Variants in CFAP47 observed in about 807,000 individuals in gnomAD.
The protein encoded by CFAP47 is cilia- and flagella-associated protein 47.
Under a neutral mutation model 148.1 loss-of-function variants are expected in CFAP47, and 29 were observed. The ratio of observed to expected loss-of-function variants is 0.20; its 90% confidence interval spans 0.15 to 0.27. CFAP47 has a LOEUF of 0.27. CFAP47 is among the 10% of genes least tolerant of loss of function. The pLI is 1.00. For missense variants in CFAP47, 1,872 were observed against 1,697.5 expected (o/e 1.10, Z -1.81); for synonymous variants, 664 against 577.3 (o/e 1.15, Z -2.15).
intron 8 of CFAP47, among the ~76,000 whole-genome samples, chrX:35,959,746 G>A (rs929706207): frequency 9.2e-6 from 1 of 108,463 alleles, no homozygotes; most frequent in South Asian, 4.1e-4. Flanking sequence ...GGCGGAGGTT[G>A]CGCACGCTTG....
Position 35,924,226 on chromosome X carries a change from T to C in CFAP47, c.250-1791T>C, listed in dbSNP as rs748811861. Among the ~76,000 whole-genome samples, 10 of 103,105 alleles carry C rather than the reference T, an allele frequency of 9.7e-5. 1 individual carries two copies. Among genetic ancestry groups the C allele is most frequent in the South Asian group, 4.1e-4 (1 of 2,412 alleles). 89.5% of individuals were successfully genotyped at this position (103,105 alleles called of 115,157 possible). On this transcript the variant is annotated intron_variant, in intron 1 of 63. Transcript: ENST00000378653. ...GGACATGTATGTGTGCATGTATGTGTATATATGGACATGTATGTGTGCATA... is the reference window on the plus strand; with the variant it reads ...GGACATGTATGTGTGCATGTATGTGCATATATGGACATGTATGTGTGCATA...
At chrX:36,030,597 T>C (rs1388485658) in intron 22 of CFAP47, among the ~76,000 whole-genome samples, 1 of 110,924 alleles carries the variant, frequency 9.0e-6, no homozygotes, top group East Asian at 2.8e-4. Context: ...ACGTGTAAGA[T>C]ACATACATTT....
chrX:35,964,969 T>C (rs900199973), intron 8 of CFAP47, among the ~76,000 whole-genome samples: 1 of 111,648 alleles, frequency 9.0e-6, no homozygotes, highest in African/African-American at 3.2e-5. Flanking sequence ...TGGATTTCCA[T>C]AGGGACATTA....
At chrX:36,031,377 A>G (rs1413954590) in intron 23 of CFAP47, 30 bp downstream of exon 23, 11 of 281,881 alleles carry the variant, frequency 3.9e-5, no homozygotes, top group Admixed American at 2.6e-4. Flanking sequence ...ACAGTTTACA[A>G]TTCTTTTCAT....
intron 51 of CFAP47, among the ~76,000 whole-genome samples, chrX:36,289,553 G>A (rs1055712673): frequency 5.4e-5 from 6 of 111,240 alleles, no homozygotes; most frequent in Admixed American, 9.6e-5. Context: ...TTTGATTAAT[G>A]TTGAAAACAC....
chrX:36,364,927 T>C (rs1377415736), intron 61 of CFAP47, among the ~76,000 whole-genome samples: 2 of 67,543 alleles, frequency 3.0e-5, no homozygotes, highest in Non-Finnish European at 4.9e-5. Context: ...TATATATATA[T>C]ATATATATAT....
At chrX:35,996,164 G>T (rs1936845556) in intron 18 of CFAP47, among the ~76,000 whole-genome samples, 1 of 111,277 alleles carries the variant, frequency 9.0e-6, no homozygotes, top group Non-Finnish European at 1.9e-5. Context: ...AATAAGGAAT[G>T]ATTGGGAGGT....
chrX:36,277,754 C>T (rs1309657050), intron 49 of CFAP47, among the ~76,000 whole-genome samples: 3 of 111,852 alleles, frequency 2.7e-5, no homozygotes, highest in Non-Finnish European at 5.6e-5. Flanking sequence ...ATTACATTAG[C>T]CATATGTGGC....
rs745917305 is a variant in CFAP47, at chrX:35,985,957, T to C, written c.2714-3362T>C. Reference sequence around the variant, plus strand: ...ATGTGATTCTCTCAGTTAAATACAATTGTTATCTCCATTTTACATGTAATT... The same window carrying C: ...ATGTGATTCTCTCAGTTAAATACAACTGTTATCTCCATTTTACATGTAATT... On this transcript the variant is annotated intron_variant, in intron 15 of 63. Coordinates refer to ENST00000378653, the MANE Select transcript of CFAP47 (RefSeq NM_001304548.2). 3 of 337,972 alleles carry C rather than the reference T, an allele frequency of 8.9e-6. No homozygotes were observed. In the East Asian group the frequency reaches 2.7e-4, roughly 30 times the overall value. The allele number at this position is 337,972 out of a possible 1,213,427, so 27.9% of individuals were successfully genotyped here. A position where few individuals can be genotyped will look rare whatever the true frequency, so the allele number is the denominator to read the frequency against.
chrX:35,975,664 C>T lies in CFAP47; in HGVS notation c.2472-8C>T, dbSNP rs745532030. 2.5e-6 allele frequency: 3 copies of T among 1,207,475 alleles called. No individual in the cohort carries two copies. In the South Asian group the frequency reaches 5.3e-5, roughly 21 times the overall value. The stretch of plus-strand genomic sequence containing the variant: ...CAGTTAAATTTGGATGCTTTTGCTG[C>T]ATTACAGGTCTTTCACCTTTACAGT... On this transcript the variant is annotated splice_region_variant and splice_polypyrimidine_tract_variant and intron_variant, in intron 14 of 63. Coordinates refer to ENST00000378653, the MANE Select transcript of CFAP47 (RefSeq NM_001304548.2).
At chrX:36,365,038 CA>C (rs1274479275) in intron 61 of CFAP47, among the ~76,000 whole-genome samples, 4 of 102,047 alleles carry the variant, frequency 3.9e-5, no homozygotes, top group African/African-American at 1.4e-4. Flanking sequence ...TAAGAAAAAC[CA>C]AAAGAAAACA....
intron 29 of CFAP47, among the ~76,000 whole-genome samples, chrX:36,084,276 G>A (rs1569253682): frequency 1.8e-5 from 2 of 110,966 alleles, no homozygotes; most frequent in Non-Finnish European, 3.8e-5. Flanking sequence ...ATTTTAGTTT[G>A]CATTAATCTT....
chrX:35,979,594 A>T (rs1278928500), intron 15 of CFAP47, among the ~76,000 whole-genome samples: 1 of 111,139 alleles, frequency 9.0e-6, no homozygotes, highest in East Asian at 2.9e-4. Flanking sequence ...TCTCGAAACA[A>T]AAGTCAGAAT....
intron 56 of CFAP47, among the ~76,000 whole-genome samples, chrX:36,316,178 A>G (rs1941432264): frequency 8.9e-6 from 1 of 111,942 alleles, no homozygotes; most frequent in Non-Finnish European, 1.9e-5. Context: ...GAAAAGCTCA[A>G]ATGGAGAGAT....
At chrX:36,157,679 G>A (rs1023098503) in intron 37 of CFAP47, among the ~76,000 whole-genome samples, 1 of 110,927 alleles carries the variant, frequency 9.0e-6, no homozygotes, top group African/African-American at 3.3e-5. Context: ...AGCAGGAATA[G>A]TGGTGTTTTT....
At position 35,996,320 on chromosome X, in the gene CFAP47, A is replaced by G. The variant is rs1032795917; in HGVS notation, c.3100-992A>G. 3.6e-5 allele frequency among the ~76,000 whole-genome samples: 4 copies of G among 111,705 alleles called. No individual in the cohort carries two copies. The East Asian group carries it at 1.1e-3, about 31-fold the overall frequency. On this transcript the variant is annotated intron_variant, in intron 18 of 63. Coordinates refer to ENST00000378653, the MANE Select transcript of CFAP47 (RefSeq NM_001304548.2). ...GTTTTTTATGTATTATATACTCTGA[A>G]TAAAATGTGGCAATCATATAGCATT...
At chrX:36,255,104 T>C (rs1173012799) in intron 49 of CFAP47, among the ~76,000 whole-genome samples, 1 of 112,021 alleles carries the variant, frequency 8.9e-6, no homozygotes, top group African/African-American at 3.2e-5. Context: ...TTTAAATGCC[T>C]GTTTGGCCAT....
At chrX:35,932,080 C>T (rs1302411931) in intron 2 of CFAP47, among the ~76,000 whole-genome samples, 1 of 97,366 alleles carries the variant, frequency 1.0e-5, no homozygotes, top group Non-Finnish European at 2.0e-5. Flanking sequence ...GCAGGGTCTT[C>T]CTCTGTTGCC....
At chrX:36,017,135 G>T (rs1937105883) in intron 22 of CFAP47, among the ~76,000 whole-genome samples, 1 of 111,315 alleles carries the variant, frequency 9.0e-6, no homozygotes, top group Non-Finnish European at 1.9e-5. Flanking sequence ...CAATCCCACT[G>T]CTGGGCATAT....
Sources: gnomAD v4.1 joint callset for allele counts (sites outside exome capture counted in the v4.1 genomes callset) on GRCh38, gnomAD v4.1.1 for gene constraint, MANE v1.5 for transcripts, NCBI Gene and HGNC (gene_info 2026-07-23, HGNC 2026-07-21) for gene names.